The following PRR20G variants were observed in gnomAD, a reference collection of about 807,000 sequenced individuals.
PRR20G encodes proline-rich protein 20G.
At chr3:127,286,076 G>T (rs2080385752) in intron 2 of PRR20G, among the ~76,000 whole-genome samples, 1 of 152,258 alleles carries the variant, frequency 6.6e-6, no homozygotes, top group East Asian at 1.9e-4. Flanking sequence ...TGATGGAAAG[G>T]AAGGAAGATA....
intron 2 of PRR20G, among the ~76,000 whole-genome samples, chr3:127,286,409 C>T (rs960656163): frequency 1.3e-5 from 2 of 152,194 alleles, no homozygotes; most frequent in South Asian, 2.1e-4. Context: ...TAAATAATTT[C>T]CCTTCAAGGC....
In PRR20G at chr3:127,284,460, G is replaced by C. The variant is rs1342134413; in HGVS notation, c.233C>G (p.Ala78Gly). The C allele has an allele frequency of 6.5e-6, 1 of 154,080 alleles. No homozygotes were observed. Among genetic ancestry groups the C allele is most frequent in the Non-Finnish European group, 1.4e-5 (1 of 69,174 alleles). 9.5% of individuals were successfully genotyped at this position (154,080 alleles called of 1,614,324 possible). ...RGQRGGGSWRAGRGRGSGAGL... is the reference protein window; with the variant it reads ...RGQRGGGSWRGGRGRGSGAGL... ...AGCCCCACTGCCGCGGCCTCGACCTGCCCGCCAGCTTCCTCCCCCACGCTG... is the reference window on the plus strand; with the variant it reads ...AGCCCCACTGCCGCGGCCTCGACCTCCCCGCCAGCTTCCTCCCCCACGCTG... Residue 78 changes from alanine (A) to glycine (G), a missense_variant, in exon 3 of 3, where the codon GCA (alanine) becomes GGA (glycine). By Grantham distance (60) the Ala-to-Gly change is moderately conservative. Coordinates refer to ENST00000465482, the MANE Select transcript of PRR20G (RefSeq NM_001362810.2).
rs539047149 is a variant in PRR20G at position 127,283,906 on chromosome 3, G to A, written c.*154C>T. Among the ~76,000 whole-genome samples, 196 of 152,316 alleles carry A rather than the reference G, an allele frequency of 1.3e-3. No homozygotes were observed. The highest frequency in any genetic ancestry group is 4.5e-3 in the African/African-American group (187 of 41,574). On this transcript the variant is annotated 3_prime_UTR_variant, in exon 3 of 3. Transcript: ENST00000465482. ...GCAGATGGACTACTGTCAGGATCCT[G>A]GGAGGAGGACTTGGAGGCTCATGAC...
At chr3:127,286,724 T>A (rs1576281363) in intron 2 of PRR20G, among the ~76,000 whole-genome samples, 1 of 152,154 alleles carries the variant, frequency 6.6e-6, no homozygotes, top group Non-Finnish European at 1.5e-5. Context: ...GAGTGGCAGC[T>A]GGGAGGTGAC....
intron 2 of PRR20G, among the ~76,000 whole-genome samples, chr3:127,285,022 A>G (rs2080380553): frequency 6.6e-6 from 1 of 152,204 alleles, no homozygotes; most frequent in African/African-American, 2.4e-5. Context: ...AATGATGCTA[A>G]TGAGTGACCA....
intron 2 of PRR20G, among the ~76,000 whole-genome samples, chr3:127,286,686 T>G (rs1576281336): frequency 6.6e-6 from 1 of 152,132 alleles, no homozygotes; most frequent in African/African-American, 2.4e-5. Context: ...AAAAGGAATT[T>G]CCCAGATGAT....
chr3:127,285,449 G>T (rs1376089569), intron 2 of PRR20G, among the ~76,000 whole-genome samples: 1 of 152,122 alleles, frequency 6.6e-6, no homozygotes, highest in Non-Finnish European at 1.5e-5. Context: ...AGCTAGTTTG[G>T]CAGGGAGGGG....
chr3:127,285,301 C>T (rs2080381833), intron 2 of PRR20G, among the ~76,000 whole-genome samples: 1 of 151,984 alleles, frequency 6.6e-6, no homozygotes, highest in South Asian at 2.1e-4. Context: ...CCAGGGATAT[C>T]AAGGATGGGT....
At chr3:127,287,854 C>T (rs2080394682) in intron 1 of PRR20G, among the ~76,000 whole-genome samples, 25 bp downstream of exon 1, 4 of 152,164 alleles carry the variant, frequency 2.6e-5, no homozygotes, top group Admixed American at 2.6e-4. Context: ...CTCTACCCAC[C>T]CCTCAGGGAC....
chr3:127,286,164 A>G (rs1419617686), intron 2 of PRR20G, among the ~76,000 whole-genome samples: 1 of 152,212 alleles, frequency 6.6e-6, no homozygotes. Context: ...ACAACGAAAG[A>G]TCTTAAAATC....
chr3:127,287,189 A>C (rs553168466), intron 2 of PRR20G, among the ~76,000 whole-genome samples, 125 bp downstream of exon 2: 1 of 152,316 alleles, frequency 6.6e-6, no homozygotes, highest in South Asian at 2.1e-4. Context: ...GGAGATTGAG[A>C]AGGAGCATGG....
chr3:127,285,642 A>G (rs148496618), intron 2 of PRR20G, among the ~76,000 whole-genome samples: 355 of 152,280 alleles, frequency 2.3e-3, no homozygotes, highest in African/African-American at 8.3e-3. Context: ...AGGTTGCCCA[A>G]TTTCATAGCC....
At chr3:127,284,866 A>G (rs1400695497) in intron 2 of PRR20G, among the ~76,000 whole-genome samples, 1 of 152,236 alleles carries the variant, frequency 6.6e-6, no homozygotes, top group Non-Finnish European at 1.5e-5. Context: ...TGACCTTGTC[A>G]GTCAGATATT....
rs1203869309 is a variant in PRR20G at position 127,284,668 on chromosome 3, TG to T, written c.53-29del. 1.9e-5 allele frequency: 3 copies of T among 155,258 alleles called. No individual in the cohort carries two copies. The East Asian group carries it at 5.8e-4, about 30-fold the overall frequency. The allele number at this position is 155,258 out of a possible 1,614,324, so 9.6% of individuals were successfully genotyped here. A position where few individuals can be genotyped will look rare whatever the true frequency, so the allele number is the denominator to read the frequency against. On this transcript the variant is annotated intron_variant, in intron 2 of 2. Transcript: ENST00000465482. ...AAAAGAGAAGCAGAGTGTAAGGAGATGGAGTAGGGGCTGCCCAGGAAGCCTT... is the reference window on the plus strand; with the variant it reads ...AAAAGAGAAGCAGAGTGTAAGGAGATGAGTAGGGGCTGCCCAGGAAGCCTT...
intron 2 of PRR20G, among the ~76,000 whole-genome samples, chr3:127,285,797 G>C (rs1433619997): frequency 6.6e-6 from 1 of 152,102 alleles, no homozygotes; most frequent in African/African-American, 2.4e-5. Context: ...TAACATAAGA[G>C]ACAGAACAAT....
rs533838258 is a variant in PRR20G, at chr3:127,284,006, G to A, written c.*54C>T. ...AAATGGGGCTAGAGTTTGGGGATAGGGGGAAAGACCAGGTGGAAGAAAAGA... is the reference window on the plus strand; with the variant it reads ...AAATGGGGCTAGAGTTTGGGGATAGAGGGAAAGACCAGGTGGAAGAAAAGA... On this transcript the variant is annotated 3_prime_UTR_variant, in exon 3 of 3. Coordinates refer to ENST00000465482, the MANE Select transcript of PRR20G (RefSeq NM_001362810.2). 2.0e-5 allele frequency: 3 copies of A among 152,778 alleles called. No homozygotes were observed. Among genetic ancestry groups the A allele is most frequent in the African/African-American group, 4.8e-5 (2 of 41,548 alleles). 9.5% of individuals were successfully genotyped at this position (152,778 alleles called of 1,614,324 possible).
chr3:127,285,698 G>C (rs949673224), intron 2 of PRR20G, among the ~76,000 whole-genome samples: 4 of 152,096 alleles, frequency 2.6e-5, no homozygotes, highest in Non-Finnish European at 5.9e-5. Flanking sequence ...CCCCATCCAC[G>C]AGCTTGGAGC....
At chr3:127,285,217 A>G (rs893454106) in intron 2 of PRR20G, among the ~76,000 whole-genome samples, 3 of 152,232 alleles carry the variant, frequency 2.0e-5, no homozygotes, top group Admixed American at 2.0e-4. Flanking sequence ...CATTACTATC[A>G]GGTGCAAGTA....
At chr3:127,285,040 G>A (rs13078922) in intron 2 of PRR20G, among the ~76,000 whole-genome samples, 15,486 of 152,218 alleles carry the variant, frequency 0.1, 1,075 homozygotes, top group Non-Finnish European at 0.15. Flanking sequence ...CCAGCTGGGA[G>A]GTGAAAGGTA....
Sources: allele counts gnomAD v4.1 joint callset (sites outside exome capture counted in the v4.1 genomes callset), GRCh38; gene constraint gnomAD v4.1.1; transcripts MANE v1.5; gene names NCBI Gene and HGNC (gene_info 2026-07-23, HGNC 2026-07-21).